LRP5: variants seen among roughly 807,000 people sequenced by gnomAD.
LRP5 encodes the protein low-density lipoprotein receptor-related protein 5.
LRP5 carries 62 observed loss-of-function variants against 154.1 expected under a neutral mutation model. That is an observed-to-expected ratio of 0.40 (90% confidence interval 0.33 to 0.50). The LOEUF is 0.50. LRP5 is among the 20% of genes least tolerant of loss of function. The probability of loss-of-function intolerance (pLI) is 0.55; values close to 1 mark genes in which losing one functional copy is unlikely to be tolerated. For missense variants in LRP5, 1,915 were observed against 2,336.7 expected, an observed-to-expected ratio of 0.82 and a Z score of 3.72; for synonymous variants, 966 against 1,011.5, an observed-to-expected ratio of 0.96 and a Z score of 0.85.
intron 9 of LRP5, among the ~76,000 whole-genome samples, chr11:68,408,078 T>G (rs960836636): frequency 2.0e-5 from 3 of 152,006 alleles, no homozygotes; most frequent in Non-Finnish European, 4.4e-5. Context: ...TGCTTTTTGT[T>G]GTTGTTGTTG....
chr11:68,366,115 G>C (rs368109746), intron 5 of LRP5, among the ~76,000 whole-genome samples: 2 of 152,222 alleles, frequency 1.3e-5, no homozygotes, highest in East Asian at 1.9e-4. Flanking sequence ...GCTCGCCTTC[G>C]GGGATGCTCC....
intron 1 of LRP5, among the ~76,000 whole-genome samples, chr11:68,315,240 C>CCCAT (rs1250461590): frequency 6.6e-6 from 1 of 152,230 alleles, no homozygotes; most frequent in Non-Finnish European, 1.5e-5. Context: ...GACCTTTAGC[C>CCCAT]CCATCCCTGG....
At chr11:68,375,471 C>G (rs1468822994) in intron 5 of LRP5, among the ~76,000 whole-genome samples, 1 of 152,214 alleles carries the variant, frequency 6.6e-6, no homozygotes, top group Non-Finnish European at 1.5e-5. Context: ...TGCCCACCAC[C>G]TGGAGCACCC....
rs780154174 is a variant in LRP5, at chr11:68,365,621, C to G, written c.934C>G (p.Leu312Val). 12 of 1,613,772 alleles carry G rather than the reference C, an allele frequency of 7.4e-6. No individual in the cohort carries two copies. Among genetic ancestry groups the G allele is most frequent in the Non-Finnish European group, 1.0e-5 (12 of 1,179,972 alleles). The change falls in exon 5 of 23, where the codon CTG (leucine) becomes GTG (valine). Residue 312 changes from leucine (L) to valine (V), a missense_variant. This residue lies in a region of LRP5 where 773 missense variants were observed against 1,100.9 expected (regional missense o/e 0.70). Coordinates refer to ENST00000294304, the MANE Select transcript of LRP5 (RefSeq NM_002335.4). ...DNGGCSHLCL[L>V]SPSEPFYTCA... ...TGGCGGCTGCTCCCACCTGTGCCTG[C>G]TGTCCCCAAGCGAGCCTTTCTACAC...
At chr11:68,331,762 T>C (rs1387249781) in intron 1 of LRP5, among the ~76,000 whole-genome samples, 1 of 151,796 alleles carries the variant, frequency 6.6e-6, no homozygotes, top group Non-Finnish European at 1.5e-5. Context: ...TGTGTGTGTG[T>C]GTGTGTGTGT....
chr11:68,318,059 ATTT>A (rs575016540), intron 1 of LRP5, among the ~76,000 whole-genome samples: 1 of 144,926 alleles, frequency 6.9e-6, no homozygotes, highest in Non-Finnish European at 1.5e-5. Flanking sequence ...TTGAGATTTA[ATTT>A]TTTTTTTTTT....
intron 1 of LRP5, among the ~76,000 whole-genome samples, chr11:68,325,046 C>A (rs1161886176): frequency 1.3e-5 from 2 of 152,204 alleles, no homozygotes; most frequent in East Asian, 1.9e-4. Flanking sequence ...TGACCACAGA[C>A]CTCCTCCATC....
In LRP5 at chr11:68,429,647, G is replaced by A. The variant is rs765434644; in HGVS notation, c.3710G>A (p.Arg1237Gln). 1.1e-5 allele frequency: 18 copies of A among 1,614,060 alleles called. No homozygotes were observed. Among genetic ancestry groups the A allele is most frequent in the Admixed American group, 8.3e-5 (5 of 60,000 alleles). ...ICIAKGDGTP[R>Q]CSCPVHLVLL... is the part of the protein sequence containing the mutation. Reference sequence around the variant, plus strand: ...ATTGCCAAGGGTGATGGGACACCACGGTGCTCATGCCCAGTCCACCTCGTG... The same window carrying A: ...ATTGCCAAGGGTGATGGGACACCACAGTGCTCATGCCCAGTCCACCTCGTG... The change falls in exon 17 of 23, where the codon CGG (arginine) becomes CAG (glutamine). Residue 1237 changes from arginine to glutamine, a missense_variant. Around this residue, in one of 3 missense-constraint regions of LRP5, gnomAD observed 1,094 missense variants for 1,210.1 expected, o/e 0.90. Coordinates refer to ENST00000294304, the MANE Select transcript of LRP5 (RefSeq NM_002335.4).
At chr11:68,366,813 C>T (rs564908047) in intron 5 of LRP5, among the ~76,000 whole-genome samples, 2 of 152,208 alleles carry the variant, frequency 1.3e-5, no homozygotes, top group East Asian at 1.9e-4. Context: ...CGGCCTAGTC[C>T]TCACGGCTCT....
intron 7 of LRP5, among the ~76,000 whole-genome samples, chr11:68,399,141 G>A (rs948529189): frequency 1.3e-5 from 2 of 152,130 alleles, no homozygotes; most frequent in African/African-American, 4.8e-5. Flanking sequence ...AAGTGATCAG[G>A]AGGTGAACTA....
Position 68,448,850 on chromosome 11 carries a change from G to A in LRP5, c.4628G>A (p.Cys1543Tyr). The part of the protein sequence containing the change: ...IRGMAPPTTP[C>Y]STDVCDSDYS... ...GGAATGGCGCCCCCGACGACGCCCT[G>A]CAGCACCGACGTGTGTGACAGCGAC... Residue 1543 changes from cysteine to tyrosine, a missense_variant, in exon 23 of 23, where the codon TGC becomes TAC. Physicochemically the swap from Cys to Tyr is radical, Grantham distance 194. This residue lies in a region of LRP5 where 1,094 missense variants were observed against 1,210.1 expected (regional missense o/e 0.90). Transcript: ENST00000294304. The A allele has an allele frequency of 1.2e-6, 2 of 1,611,396 alleles. No homozygotes were observed. The highest frequency in any genetic ancestry group is 2.2e-5 in the South Asian group (2 of 91,082).
chr11:68,348,499 C>T (rs2098615532), intron 2 of LRP5, among the ~76,000 whole-genome samples: 1 of 140,952 alleles, frequency 7.1e-6, no homozygotes, highest in Non-Finnish European at 1.5e-5. Context: ...GGGGTTGGCT[C>T]AGGCCTGTAA....
chr11:68,333,463 T>A (rs1259928881), intron 1 of LRP5, among the ~76,000 whole-genome samples: 1 of 152,196 alleles, frequency 6.6e-6, no homozygotes, highest in African/African-American at 2.4e-5. Flanking sequence ...TCACTTGTAC[T>A]TTGATTTCTC....
At chr11:68,417,510 G>C (rs1591302973) in intron 13 of LRP5, among the ~76,000 whole-genome samples, 1 of 119,844 alleles carries the variant, frequency 8.3e-6, no homozygotes. Context: ...CACCAGCCTG[G>C]AGTGCAGTGG....
chr11:68,341,982 C>T (rs894728073), intron 1 of LRP5, among the ~76,000 whole-genome samples: 2 of 152,044 alleles, frequency 1.3e-5, no homozygotes, highest in Admixed American at 6.5e-5. Flanking sequence ...GGAGTGAGTG[C>T]CCATGGCCAG....
chr11:68,424,988 C>T (rs1439166679), intron 14 of LRP5, 114 bp from the exon 15 acceptor site: 6 of 832,060 alleles, frequency 7.2e-6, no homozygotes, highest in African/African-American at 3.3e-5. Flanking sequence ...CTGTCAGCCT[C>T]GGGCAGCCCT....
rs1432499799 is a variant in LRP5, at chr11:68,394,459, G to T, written c.1584+4407G>T. On this transcript the variant is annotated intron_variant, in intron 7 of 22. Coordinates refer to ENST00000294304, the MANE Select transcript of LRP5 (RefSeq NM_002335.4). ...CACAATGACGTGAGCACTGCGTGTTGATTACCCACTTTTTTTTTTTTTTTG... is the reference window on the plus strand; with the variant it reads ...CACAATGACGTGAGCACTGCGTGTTTATTACCCACTTTTTTTTTTTTTTTG... Among the ~76,000 whole-genome samples the T allele has an allele frequency of 2.0e-5, 3 of 150,878 alleles. No individual in the cohort carries two copies. In the East Asian group the frequency reaches 5.8e-4, roughly 29 times the overall value.
At chr11:68,443,544 C>CACATATATATATAT (rs1418195798) in intron 21 of LRP5, among the ~76,000 whole-genome samples, 1 of 22,328 alleles carries the variant, frequency 4.5e-5, no homozygotes, top group African/African-American at 1.7e-4. Context: ...TCTTTTATGG[C>CACATATATATATAT]ATATATATAT....
chr11:68,337,197 G>C (rs563625234), intron 1 of LRP5, among the ~76,000 whole-genome samples: 1 of 152,206 alleles, frequency 6.6e-6, no homozygotes, highest in Non-Finnish European at 1.5e-5. Context: ...GCAAAGCCTT[G>C]TTTTTGCACA....
Sources: gnomAD v4.1 joint callset for allele counts (sites outside exome capture counted in the v4.1 genomes callset) on GRCh38, gnomAD v4.1.1 for gene constraint, gnomAD v4.1.1 regional missense constraint, MANE v1.5 for transcripts, NCBI Gene and HGNC (gene_info 2026-07-23, HGNC 2026-07-21) for gene names.